The following ZFPM2 variants were observed in gnomAD, a reference collection of about 807,000 sequenced individuals.
ZFPM2 encodes the protein zinc finger protein, FOG family member 2.
Under a neutral mutation model 98.6 loss-of-function variants are expected in ZFPM2, and 20 were observed. The ratio of observed to expected loss-of-function variants is 0.20; its 90% CI spans 0.14 to 0.29. The LOEUF is 0.29. ZFPM2 is among the 10% of genes least tolerant of loss of function. ZFPM2 has a pLI of 1.00. For missense variants in ZFPM2, 1,310 were observed against 1,388.6 expected (o/e 0.94, Z 0.90); for synonymous variants, 518 against 502.7 (o/e 1.03, Z -0.41).
In ZFPM2 at chr8:105,585,141, G is replaced by A. The variant is rs188390965; in HGVS notation, c.420+23660G>A. Among the ~76,000 whole-genome samples the A allele has an allele frequency of 2.4e-4, 36 of 152,238 alleles. 1 individual carries two copies. In the East Asian group the frequency reaches 5.6e-3, roughly 24 times the overall value. On this transcript the variant is annotated intron_variant, in intron 4 of 7. Transcript: ENST00000407775. The stretch of plus-strand genomic sequence containing the variant: ...TTTAATATTCATCACCATGTCATCA[G>A]ACCTATATAGAAAATACAGTTTTTA...
chr8:105,730,931 G>T (rs1423597794), intron 5 of ZFPM2, among the ~76,000 whole-genome samples: 3 of 151,584 alleles, frequency 2.0e-5, no homozygotes, highest in Non-Finnish European at 4.4e-5. Flanking sequence ...ATGACATTAT[G>T]TCTGGAGGGT....
At chr8:105,562,321 T>G (rs1586464741) in intron 4 of ZFPM2, among the ~76,000 whole-genome samples, 1 of 18,566 alleles carries the variant, frequency 5.4e-5, no homozygotes, top group Admixed American at 4.3e-4. Context: ...AAATAATAAA[T>G]AAATAAATAA....
intron 5 of ZFPM2, among the ~76,000 whole-genome samples, chr8:105,637,489 A>C (rs2130845167): frequency 6.6e-6 from 1 of 151,948 alleles, no homozygotes; most frequent in South Asian, 2.1e-4. Context: ...AAAGCAAAAA[A>C]CCCTGATCAT....
chr8:105,802,557 G>A lies in ZFPM2; in HGVS notation c.2475G>A (p.Glu825=), dbSNP rs1237661106. 1 of 1,611,474 alleles carries A rather than the reference G, an allele frequency of 6.2e-7. No individual in the cohort carries two copies. Among genetic ancestry groups the A allele is most frequent in the Non-Finnish European group, 8.5e-7 (1 of 1,178,764 alleles). The part of the protein sequence containing the change: ...DTTHSSVSCL[E]MDVPIDLSKK... ...CTCATTCCAGTGTTTCCTGCCTAGA[G>A]ATGGACGTGCCCATAGATCTCAGCA... is the stretch of plus-strand genomic sequence containing the variant. Residue 825 remains glutamate (E), a synonymous_variant, in exon 8 of 8, where the codon GAG becomes GAA. Transcript: ENST00000407775.
chr8:105,380,277 A>G (rs1810820890), intron 1 of ZFPM2, among the ~76,000 whole-genome samples: 1 of 152,008 alleles, frequency 6.6e-6, no homozygotes. Context: ...CCTACAATAT[A>G]AGTAAAGTGG....
intron 4 of ZFPM2, among the ~76,000 whole-genome samples, chr8:105,631,685 ATC>A (rs1816757768): frequency 6.6e-6 from 1 of 152,106 alleles, no homozygotes; most frequent in Admixed American, 6.5e-5. Context: ...TTTTTATTGT[ATC>A]TGTATCCTTC....
chr8:105,515,804 C>G (rs1342515465), intron 3 of ZFPM2, among the ~76,000 whole-genome samples: 3 of 151,634 alleles, frequency 2.0e-5, no homozygotes, highest in Non-Finnish European at 4.4e-5. Context: ...GAGCTCTTCT[C>G]TCTAGGCAAT....
chr8:105,363,749 C>G (rs891046764), intron 1 of ZFPM2, among the ~76,000 whole-genome samples: 7 of 151,892 alleles, frequency 4.6e-5, no homozygotes, highest in African/African-American at 1.7e-4. Flanking sequence ...TTTGGGGAAA[C>G]TTAGGAATGG....
chr8:105,601,335 T>G (rs1239281993), intron 4 of ZFPM2, among the ~76,000 whole-genome samples: 1 of 152,112 alleles, frequency 6.6e-6, no homozygotes, highest in Non-Finnish European at 1.5e-5. Flanking sequence ...CATTATTGCC[T>G]GGGAAAGTCT....
chr8:105,498,506 A>G (rs1282702408), intron 3 of ZFPM2, among the ~76,000 whole-genome samples: 1 of 152,132 alleles, frequency 6.6e-6, no homozygotes, highest in African/African-American at 2.4e-5. Flanking sequence ...ACTTTATACA[A>G]TTTTCAGTTT....
At position 105,425,590 on chromosome 8, in the gene ZFPM2, C is replaced by A. The variant is rs116638931; in HGVS notation, c.199+6288C>A. On this transcript the variant is annotated intron_variant, in intron 2 of 7. Coordinates refer to ENST00000407775, the MANE Select transcript of ZFPM2 (RefSeq NM_012082.4). ...CCAGTTTCATCATCGTACTCAACTT[C>A]TTCTGCCGATAGGCATCCAGGCTCA... Among the ~76,000 whole-genome samples the A allele has an allele frequency of 3.2e-3, 486 of 152,326 alleles. 7 individuals are homozygous for A. The highest frequency in any genetic ancestry group is 0.011 in the African/African-American group (453 of 41,574).
At chr8:105,721,692 T>G (rs1811670683) in intron 5 of ZFPM2, among the ~76,000 whole-genome samples, 2 of 151,970 alleles carry the variant, frequency 1.3e-5, no homozygotes, top group African/African-American at 2.4e-5. Flanking sequence ...AGACACAATA[T>G]TCTCTTGTTC....
intron 5 of ZFPM2, among the ~76,000 whole-genome samples, chr8:105,776,159 G>C (rs1813100210): frequency 6.6e-6 from 1 of 152,082 alleles, no homozygotes; most frequent in Non-Finnish European, 1.5e-5. Flanking sequence ...TCTGTTACAA[G>C]CTTGGGCCAG....
At chr8:105,633,040 C>T (rs558511417) in intron 4 of ZFPM2, among the ~76,000 whole-genome samples, 15 of 152,198 alleles carry the variant, frequency 9.9e-5, no homozygotes, top group East Asian at 9.7e-4. Flanking sequence ...GTTTTCAGTA[C>T]GGCTTTGCAG....
intron 4 of ZFPM2, among the ~76,000 whole-genome samples, chr8:105,632,395 C>T (rs1816770695): frequency 6.6e-6 from 1 of 152,090 alleles, no homozygotes; most frequent in Admixed American, 6.6e-5. Flanking sequence ...CTCTCAAACT[C>T]CTGGCCTCAA....
At chr8:105,363,454 GA>G (rs2129773297) in intron 1 of ZFPM2, among the ~76,000 whole-genome samples, 1 of 152,080 alleles carries the variant, frequency 6.6e-6, no homozygotes, top group African/African-American at 2.4e-5. Context: ...GGGAAGGAGT[GA>G]AGAAAACTAA....
chr8:105,452,701 G>A (rs899268888), intron 3 of ZFPM2, among the ~76,000 whole-genome samples: 7 of 152,056 alleles, frequency 4.6e-5, no homozygotes, highest in African/African-American at 1.7e-4. Flanking sequence ...ATAGTTAGCT[G>A]TGATCCTGCT....
At chr8:105,536,791 C>T (rs981594255) in intron 3 of ZFPM2, among the ~76,000 whole-genome samples, 1 of 152,050 alleles carries the variant, frequency 6.6e-6, no homozygotes, top group Non-Finnish European at 1.5e-5. Context: ...ACCAAGGCTC[C>T]CTTTTGGAAC....
At chr8:105,614,676 C>T (rs1586151013) in intron 4 of ZFPM2, among the ~76,000 whole-genome samples, 1 of 152,120 alleles carries the variant, frequency 6.6e-6, no homozygotes, top group South Asian at 2.1e-4. Context: ...AACGCGGGAC[C>T]CTATGCACCA....
Sources: allele counts gnomAD v4.1 joint callset (sites outside exome capture counted in the v4.1 genomes callset), GRCh38; gene constraint gnomAD v4.1.1; transcripts MANE v1.5; gene names NCBI Gene and HGNC (gene_info 2026-07-23, HGNC 2026-07-21).